The following FN1 variants were observed in gnomAD, a reference collection of about 807,000 sequenced individuals.
FN1 encodes the protein fibronectin.
Under a neutral mutation model 297.3 loss-of-function variants are expected in FN1, and 106 were observed. The ratio of observed to expected loss-of-function variants is 0.36; its 90% CI spans 0.30 to 0.42. The LOEUF (loss-of-function observed/expected upper bound fraction) is 0.42, where lower values mean the gene tolerates loss of function less well. Among genes scored for constraint, FN1 ranks in the 10% least tolerant of loss-of-function variants. The pLI is 1.00. For synonymous variants in FN1, 1,149 were observed against 1,152.6 expected, an observed-to-expected ratio of 1.00 and a Z score of 0.06; for missense variants, 2,690 against 3,124.9, an observed-to-expected ratio of 0.86 and a Z score of 3.32.
At position 215,386,663 on chromosome 2, in the gene FN1, GT is replaced by G. The variant is rs781231036; in HGVS notation, c.4612+25del. 59 of 1,553,094 alleles carry G rather than the reference GT, an allele frequency of 3.8e-5. No homozygotes were observed. In the African/African-American group the frequency reaches 7.1e-4, roughly 19 times the overall value. On this transcript the variant is annotated intron_variant, in intron 28 of 45. Transcript: ENST00000354785. ...CCAACTGGGTAGGAAAGTCTTCTGA[GT>G]TTCTTTGCAGACAAGAAAAGTTACC...
At chr2:215,393,364 A>G in intron 24 of FN1, 161 bp from the exon 25 acceptor site, 1 of 643,788 alleles carries the variant, frequency 1.6e-6, no homozygotes. Context: ...CTCTGAAAAG[A>G]CTTCCTAAGC....
rs768339722 is a variant in FN1 at position 215,372,050 on chromosome 2, T to C, written c.6573A>G (p.Pro2191=). ...CATTTGGATTGAGTCCCGGACCGTG[T>C]GGGTACAGGTGATAGTCTACATCTT... is the stretch of plus-strand genomic sequence containing the variant. ...PREDVDYHLY[P]HGPGLNPNAS... Residue 2191 remains proline (P), a synonymous_variant, in exon 40 of 46, where the codon CCA becomes CCG. Transcript: ENST00000354785. The C allele has an allele frequency of 2.5e-6, 4 of 1,614,060 alleles. No homozygotes were observed. The Admixed American group carries it at 6.7e-5, about 27-fold the overall frequency.
intron 5 of FN1, 36 bp from the exon 6 acceptor site, chr2:215,428,374 C>T (rs763533611): frequency 3.0e-5 from 48 of 1,604,594 alleles, no homozygotes; most frequent in Admixed American, 2.0e-4. Context: ...TACATCAGGT[C>T]GAGAGTCGCA....
At chr2:215,409,073 G>A (rs1272776339) in intron 15 of FN1, among the ~76,000 whole-genome samples, 1 of 152,178 alleles carries the variant, frequency 6.6e-6, no homozygotes, top group Non-Finnish European at 1.5e-5. Context: ...GGTGAGGGTA[G>A]AGAGATATTC....
chr2:215,394,496 ACT>A, intron 24 of FN1, 30 bp downstream of exon 24: 6 of 1,537,016 alleles, frequency 3.9e-6, no homozygotes, highest in Non-Finnish European at 5.4e-6. Context: ...TGGAAGTGTC[ACT>A]CTCAGGATAG....
rs374298167 is a variant in FN1 at position 215,391,823 on chromosome 2, G to A, written c.4070-9C>T. ...AGTGGGAGGAGGAACAGCTGGTTTC[G>A]AACAAGAAGGAAGACTCAGTTAATG... On this transcript the variant is annotated splice_polypyrimidine_tract_variant and intron_variant, in intron 25 of 45. Coordinates refer to ENST00000354785, the MANE Select transcript of FN1 (RefSeq NM_212482.4). 56 of 1,613,202 alleles carry A rather than the reference G, an allele frequency of 3.5e-5. No homozygotes were observed. Among genetic ancestry groups the A allele is most frequent in the African/African-American group, 3.2e-4 (24 of 74,992 alleles).
chr2:215,375,096 T>G, intron 38 of FN1, 118 bp downstream of exon 38: 1 of 1,048,502 alleles, frequency 9.5e-7, no homozygotes. Context: ...TTTGAGGTTA[T>G]CAGGAACAGA....
At chr2:215,431,769 T>C in intron 4 of FN1, 64 bp downstream of exon 4, 1 of 1,564,022 alleles carries the variant, frequency 6.4e-7, no homozygotes, top group Non-Finnish European at 8.8e-7. Context: ...TAGATGTGAT[T>C]CTGGTCCAAC....
intron 32 of FN1, chr2:215,381,340 T>G: frequency 1.9e-6 from 1 of 518,960 alleles, no homozygotes; most frequent in Admixed American, 3.2e-5. Flanking sequence ...TGGGGATGTA[T>G]TTATATTAAT....
At chr2:215,411,423 C>G (rs1359042470) in intron 13 of FN1, among the ~76,000 whole-genome samples, 1 of 152,172 alleles carries the variant, frequency 6.6e-6, no homozygotes, top group African/African-American at 2.4e-5. Flanking sequence ...GATCGTAGTA[C>G]TCTTCACAGT....
At chr2:215,434,580 T>G in intron 2 of FN1, 116 bp downstream of exon 2, 1 of 1,231,638 alleles carries the variant, frequency 8.1e-7, no homozygotes, top group Non-Finnish European at 1.2e-6. Flanking sequence ...TAAGAGGAAA[T>G]GACAGGTAAT....
intron 11 of FN1, 96 bp downstream of exon 11, chr2:215,420,577 C>T: frequency 6.7e-7 from 1 of 1,501,770 alleles, no homozygotes; most frequent in Non-Finnish European, 9.3e-7. Context: ...AGTCTGGAGC[C>T]AACTTCAGTC....
At chr2:215,390,153 C>A (rs1383216818) in intron 26 of FN1, among the ~76,000 whole-genome samples, 1 of 152,096 alleles carries the variant, frequency 6.6e-6, no homozygotes, top group Non-Finnish European at 1.5e-5. Flanking sequence ...ATTTACTTAA[C>A]TGCTGGGGAC....
chr2:215,409,555 G>T lies in FN1; in HGVS notation c.2299+8C>A. 1 of 1,612,540 alleles carries T rather than the reference G, an allele frequency of 6.2e-7. No homozygotes were observed. The highest frequency in any genetic ancestry group is 1.1e-5 in the South Asian group (1 of 91,014). ...CTGAACCTGTCTTGAGCGACATATTGAGCTTACCCAGGTACTGTGGCTCAT... is the reference window on the plus strand; with the variant it reads ...CTGAACCTGTCTTGAGCGACATATTTAGCTTACCCAGGTACTGTGGCTCAT... On this transcript the variant is annotated splice_region_variant and intron_variant, in intron 15 of 45. Coordinates refer to ENST00000354785, the MANE Select transcript of FN1 (RefSeq NM_212482.4).
rs909709812 is a variant in FN1 at position 215,426,969 on chromosome 2, G to A, written c.844+1211C>T. Among the ~76,000 whole-genome samples, 10 of 151,810 alleles carry A rather than the reference G, an allele frequency of 6.6e-5. No homozygotes were observed. In the East Asian group the frequency reaches 1.2e-3, roughly 18 times the overall value. On this transcript the variant is annotated intron_variant, in intron 6 of 45. Coordinates refer to ENST00000354785, the MANE Select transcript of FN1 (RefSeq NM_212482.4). ...CGGGTCACTGCAAACTCCACCTCCC[G>A]GGTTCATGCCATTCTCCTGCCTCAG...
rs189404664 is a variant in FN1, at chr2:215,389,076, C to T, written c.4253-775G>A. On this transcript the variant is annotated intron_variant, in intron 26 of 45. Coordinates refer to ENST00000354785, the MANE Select transcript of FN1 (RefSeq NM_212482.4). ...TTTTTAAAAAATTAAATATACATCC[C>T]TGAGTATCTTGTTCCATTTTTTTTT... 5.8e-4 allele frequency among the ~76,000 whole-genome samples: 88 copies of T among 152,116 alleles called. 2 individuals are homozygous for T. In the East Asian group the frequency reaches 0.015, roughly 25 times the overall value.
chr2:215,434,755 G>A lies in FN1; in HGVS notation c.218C>T (p.Ala73Val), dbSNP rs746000539. Reference sequence around the variant, plus strand: ...TCCTCCATAACAAGTACAAACCAACGCATTGCCTAGGTAGGTCCGCTCCCA... The same window carrying A: ...TCCTCCATAACAAGTACAAACCAACACATTGCCTAGGTAGGTCCGCTCCCA... ...QQWERTYLGN[A>V]LVCTCYGGSR... is the part of the protein sequence containing the mutation. Residue 73 changes from alanine to valine, a missense_variant, in exon 2 of 46, where the codon GCG becomes GTG. Physicochemically the swap from Ala to Val is moderately conservative, Grantham distance 64 (BLOSUM62 0). Transcript: ENST00000354785. 2.5e-6 allele frequency: 4 copies of A among 1,613,884 alleles called. No homozygotes were observed. The highest frequency in any genetic ancestry group is 3.3e-5 in the Admixed American group (2 of 59,990).
chr2:215,406,160 T>C, intron 19 of FN1, 78 bp downstream of exon 19: 2 of 1,420,360 alleles, frequency 1.4e-6, no homozygotes, highest in Non-Finnish European at 2.0e-6. Context: ...TCTGAGTGAA[T>C]GGTTTACTGC....
chr2:215,384,206 C>G (rs749115996), intron 29 of FN1, 22 bp from the exon 30 acceptor site: 1 of 1,613,710 alleles, frequency 6.2e-7, no homozygotes, highest in African/African-American at 1.3e-5. Context: ...AGGGTTAGTT[C>G]AGAGTGTGAG....
Sources: gnomAD v4.1 joint callset for allele counts (sites outside exome capture counted in the v4.1 genomes callset) on GRCh38, gnomAD v4.1.1 for gene constraint, MANE v1.5 for transcripts, NCBI Gene and HGNC (gene_info 2026-07-23, HGNC 2026-07-21) for gene names.